ZNF536: variants seen among roughly 807,000 people sequenced by gnomAD.
ZNF536 encodes the protein zinc finger protein 536.
Under a neutral mutation model 84.5 loss-of-function variants are expected in ZNF536, and 13 were observed. The observed-to-expected ratio is 0.15, with a 90% CI of 0.10 to 0.24. ZNF536 has a LOEUF of 0.24. ZNF536 is among the 10% of genes least tolerant of loss of function. ZNF536 has a pLI of 1.00. For synonymous variants in ZNF536, 811 were observed against 742.5 expected (o/e 1.09, Z -1.50); for missense variants, 1,536 against 1,747.5 (o/e 0.88, Z 2.16).
chr19:30,686,369 T>G (rs371329628), intron 1 of ZNF536, among the ~76,000 whole-genome samples: 6 of 152,186 alleles, frequency 3.9e-5, no homozygotes, highest in East Asian at 3.9e-4. Context: ...GTTAGGAATT[T>G]TATTACAAAC....
At chr19:30,242,128 C>T (rs1384001188) in intron 1 of ZNF536, among the ~76,000 whole-genome samples, 2 of 152,116 alleles carry the variant, frequency 1.3e-5, no homozygotes, top group African/African-American at 2.4e-5. Context: ...ATGCCCTCTC[C>T]TGCCGTCCAA....
At chr19:30,584,104 A>G (rs928877308) in intron 1 of ZNF536, among the ~76,000 whole-genome samples, 32 of 152,042 alleles carry the variant, frequency 2.1e-4, no homozygotes, top group Admixed American at 2.0e-3. Flanking sequence ...TACTTTTCTC[A>G]TCTCCAACGC....
At chr19:30,696,241 G>C (rs12610956) in intron 1 of ZNF536, among the ~76,000 whole-genome samples, 7,188 of 152,240 alleles carry the variant, frequency 0.047, 225 homozygotes, top group East Asian at 0.13. Flanking sequence ...ATGTTGGAGA[G>C]AGAAGGGAAT....
Position 30,445,884 on chromosome 19 carries a change from C to T in ZNF536, c.2170+152C>T. On this transcript the variant is annotated intron_variant, in intron 2 of 4. Transcript: ENST00000355537. This position sits in a 1 kb window ranked among gnomAD's most constrained non-coding sequence, Gnocchi z 4.5. ...TGGACACTGGGCCATGCCTTTCTTT[C>T]CCCCCCTGACTGGAGGGAAAGGGCC... 7 of 1,067,942 alleles carry T rather than the reference C, an allele frequency of 6.6e-6. No homozygotes were observed. The highest frequency in any genetic ancestry group is 3.2e-4 in the Middle Eastern group (1 of 3,124). 66.2% of individuals were successfully genotyped at this position (1,067,942 alleles called of 1,614,324 possible). A position where few individuals can be genotyped will look rare whatever the true frequency, so the allele number is the denominator to read the frequency against.
chr19:30,685,804 A>T, intron 1 of ZNF536, among the ~76,000 whole-genome samples: 1 of 152,130 alleles, frequency 6.6e-6, no homozygotes, highest in East Asian at 1.9e-4. Flanking sequence ...TGTCAGCTCC[A>T]CCACCTGCCC....
chr19:30,449,014 G>A (rs2052478368), intron 2 of ZNF536, among the ~76,000 whole-genome samples: 1 of 152,206 alleles, frequency 6.6e-6, no homozygotes, highest in Non-Finnish European at 1.5e-5. Context: ...ACCAGAAAAT[G>A]TGTTTGTTCT....
At chr19:30,234,397 CTTTTTTTTTTTTT>C (rs5827694) in intron 1 of ZNF536, among the ~76,000 whole-genome samples, 3 of 82,408 alleles carry the variant, frequency 3.6e-5, no homozygotes, top group East Asian at 7.7e-4. Context: ...AGGCTCCTTC[CTTTTTTTTTTTTT>C]TTTTTTTTTT....
intron 2 of ZNF536, among the ~76,000 whole-genome samples, chr19:30,332,593 C>T (rs1244894323): frequency 1.3e-5 from 2 of 152,198 alleles, no homozygotes; most frequent in Non-Finnish European, 2.9e-5. Context: ...TAAAATCAGA[C>T]TTCCCCAGTT....
At chr19:30,570,991 T>C (rs1008910152) in intron 1 of ZNF536, among the ~76,000 whole-genome samples, 1 of 152,132 alleles carries the variant, frequency 6.6e-6, no homozygotes, top group Non-Finnish European at 1.5e-5. Flanking sequence ...GCCCCCCAGC[T>C]CCTCAAAGGA....
chr19:30,478,454 A>G (rs958699866), intron 2 of ZNF536, among the ~76,000 whole-genome samples: 3 of 151,954 alleles, frequency 2.0e-5, no homozygotes, highest in Non-Finnish European at 4.4e-5. Flanking sequence ...AGCCTTTCAG[A>G]TGGGGGGATC....
At position 30,503,940 on chromosome 19, in the gene ZNF536, G is replaced by GA. The variant is rs1365174520; in HGVS notation, c.2171-30907_2171-30906insA. 2.0e-5 allele frequency among the ~76,000 whole-genome samples: 3 copies of GA among 149,246 alleles called. No individual in the cohort carries two copies. In the East Asian group the frequency reaches 5.9e-4, roughly 29 times the overall value. On this transcript the variant is annotated intron_variant, in intron 2 of 4. Coordinates refer to ENST00000355537, the MANE Select transcript of ZNF536 (RefSeq NM_014717.3). ...CTCTCTCTTTTTTTTTAATGAACGC[G>GA]TTATTTTTAAATTTGGAAAAAGTCT...
rs1197489321 is a variant in ZNF536, at chr19:30,384,206, TCCTC to T, written c.-3+11674_-3+11677del. Reference sequence around the variant, plus strand: ...CTTTCTCCTTCCTTCCTTCCTTCCATCCTCCCTCCCTCCCTCCCTCCCTCCCTTC... The same window carrying T: ...CTTTCTCCTTCCTTCCTTCCTTCCATCCTCCCTCCCTCCCTCCCTCCCTTC... On this transcript the variant is annotated intron_variant, in intron 1 of 4. Coordinates refer to ENST00000355537, the MANE Select transcript of ZNF536 (RefSeq NM_014717.3). Among the ~76,000 whole-genome samples the T allele has an allele frequency of 3.1e-3, 108 of 34,300 alleles. 1 individual carries two copies. Among genetic ancestry groups the T allele is most frequent in the African/African-American group, 7.2e-3 (61 of 8,434 alleles). 22.5% of individuals were successfully genotyped at this position (34,300 alleles called of 152,430 possible).
rs34368432 is a variant in ZNF536, at chr19:30,253,927, CT to C, written c.-190+25263del. ...ATCCCAACCCGATGCTTCATTTCTA[CT>C]TTTTTTTTCCCCTTCCAAAAGCAGA... On this transcript the variant is annotated intron_variant, in intron 1 of 5. Coordinates refer to the ZNF536 transcript ENST00000585628. Among the ~76,000 whole-genome samples the C allele has an allele frequency of 5.5e-4, 83 of 151,640 alleles. 1 individual carries two copies. The highest frequency in any genetic ancestry group is 3.4e-3 in the Middle Eastern group (1 of 292).
chr19:30,327,943 C>T (rs2047091572), intron 2 of ZNF536, among the ~76,000 whole-genome samples: 2 of 152,226 alleles, frequency 1.3e-5, no homozygotes, highest in Admixed American at 1.3e-4. Flanking sequence ...AGCCTGGGCT[C>T]CTGGAGCCAC....
At chr19:30,594,754 C>T (rs571759177) in intron 1 of ZNF536, among the ~76,000 whole-genome samples, 14 of 152,060 alleles carry the variant, frequency 9.2e-5, no homozygotes, top group Admixed American at 2.0e-4. Flanking sequence ...GTTTCCCCTG[C>T]GAGAAGCCGC....
At chr19:30,686,781 TC>T (rs993494235) in intron 1 of ZNF536, among the ~76,000 whole-genome samples, 35 of 151,598 alleles carry the variant, frequency 2.3e-4, no homozygotes, top group African/African-American at 7.0e-4. Context: ...AGGCCAGCCC[TC>T]CCCCCACTCC....
At chr19:30,268,546 C>G (rs964925203) in intron 1 of ZNF536, among the ~76,000 whole-genome samples, 2 of 152,184 alleles carry the variant, frequency 1.3e-5, no homozygotes, top group African/African-American at 4.8e-5. Flanking sequence ...TAGGGTGAAG[C>G]TGCCTCCTGA....
At position 30,690,470 on chromosome 19, in the gene ZNF536, A is replaced by ATG. The variant is rs2051363811; in HGVS notation, c.170-20283_170-20282dup. ...TCTCTCTCTTTCTCTCTGTATAAAGATGTGTCTATTTTGAGACTCAGGAAA... is the reference window on the plus strand; with the variant it reads ...TCTCTCTCTTTCTCTCTGTATAAAGATGTGTGTCTATTTTGAGACTCAGGAAA... On this transcript the variant is annotated intron_variant, in intron 1 of 1. Transcript: ENST00000592773. 1.3e-5 allele frequency among the ~76,000 whole-genome samples: 2 copies of ATG among 152,206 alleles called. 1 individual carries two copies. The highest frequency in any genetic ancestry group is 4.1e-4 in the South Asian group (2 of 4,834).
At chr19:30,287,451 G>A (rs1327280482) in intron 2 of ZNF536, among the ~76,000 whole-genome samples, 1 of 149,444 alleles carries the variant, frequency 6.7e-6, no homozygotes, top group African/African-American at 2.5e-5. Context: ...GGATAAATGG[G>A]TGGATTGATG....
Sources: allele counts gnomAD v4.1 joint callset (sites outside exome capture counted in the v4.1 genomes callset), GRCh38; gene constraint gnomAD v4.1.1; non-coding constraint Gnocchi (gnomAD v3.1); transcripts MANE v1.5; gene names NCBI Gene and HGNC (gene_info 2026-07-23, HGNC 2026-07-21).